The following SLC10A7 variants were observed in gnomAD, a reference collection of about 807,000 sequenced individuals.
SLC10A7 encodes the protein sodium/bile acid cotransporter 7.
A neutral mutation model predicts 43.2 loss-of-function variants in SLC10A7; 29 were observed. That is an observed-to-expected ratio of 0.67 (90% CI 0.50 to 0.92). SLC10A7 has a LOEUF of 0.92. Among genes scored for constraint, SLC10A7 ranks in the 40% least tolerant of loss-of-function variants. The probability of loss-of-function intolerance (pLI) is 0.00; values close to 1 mark genes in which losing one functional copy is unlikely to be tolerated. For synonymous variants in SLC10A7, 152 were observed against 144.8 expected (o/e 1.05, Z -0.35); for missense variants, 295 against 403.2 (o/e 0.73, Z 2.30).
At chr4:146,449,418 C>G (rs1466174842) in intron 4 of SLC10A7, among the ~76,000 whole-genome samples, 1 of 152,134 alleles carries the variant, frequency 6.6e-6, no homozygotes, top group Non-Finnish European at 1.5e-5. Flanking sequence ...CAAGAAGAGA[C>G]TCCACCAACA....
intron 2 of SLC10A7, 111 bp downstream of exon 2, chr4:146,516,927 G>A: frequency 1.3e-6 from 1 of 760,280 alleles, no homozygotes. Context: ...CTGCTATAGT[G>A]AATCCTTCAG....
At chr4:146,256,861 CA>C in intron 11 of SLC10A7, 1 of 1,536,162 alleles carries the variant, frequency 6.5e-7, no homozygotes, top group Non-Finnish European at 8.7e-7. Context: ...TTTTAATGCC[CA>C]AATTTGATGG....
In SLC10A7 at chr4:146,254,527, A is replaced by G. The variant is rs1443114413; in HGVS notation, c.*1964T>C. The G allele has an allele frequency of 1.3e-5, 2 of 152,250 alleles. No homozygotes were observed. The highest frequency in any genetic ancestry group is 4.8e-5 in the African/African-American group (2 of 41,468). The allele number at this position is 152,250 out of a possible 1,614,324, so 9.4% of individuals were successfully genotyped here. A position where few individuals can be genotyped will look rare whatever the true frequency, so the allele number is the denominator to read the frequency against. On this transcript the variant is annotated 3_prime_UTR_variant, in exon 12 of 12. Transcript: ENST00000335472. ...TAACGCCACCAAAGTTCACTATGTA[A>G]AGATTATTTGAAAACAAAGCACATT...
chr4:146,469,557 A>T (rs1385301776), intron 4 of SLC10A7, among the ~76,000 whole-genome samples: 1 of 152,200 alleles, frequency 6.6e-6, no homozygotes, highest in African/African-American at 2.4e-5. Context: ...TAATTTTCTT[A>T]TTGTAAGATA....
chr4:146,284,612 C>G (rs529810369), intron 9 of SLC10A7, among the ~76,000 whole-genome samples: 1 of 152,288 alleles, frequency 6.6e-6, no homozygotes, highest in African/African-American at 2.4e-5. Flanking sequence ...AACTTTCAAA[C>G]TGAATTTTTG....
chr4:146,343,343 A>G (rs1734398589), intron 5 of SLC10A7, among the ~76,000 whole-genome samples: 1 of 152,064 alleles, frequency 6.6e-6, no homozygotes, highest in Non-Finnish European at 1.5e-5. Flanking sequence ...AGGGCAACTT[A>G]GGAAACCCAG....
At chr4:146,399,092 G>A (rs1234201721) in intron 5 of SLC10A7, among the ~76,000 whole-genome samples, 1 of 152,230 alleles carries the variant, frequency 6.6e-6, no homozygotes, top group Admixed American at 6.5e-5. Flanking sequence ...CCACTGTAGA[G>A]CTGTCATTTG....
chr4:146,472,481 T>G (rs1220247868), intron 4 of SLC10A7, among the ~76,000 whole-genome samples: 1 of 149,208 alleles, frequency 6.7e-6, no homozygotes, highest in Non-Finnish European at 1.5e-5. Flanking sequence ...GCCCTTTCAA[T>G]CATGAAGCAT....
At chr4:146,510,262 AT>A (rs903791888) in intron 2 of SLC10A7, among the ~76,000 whole-genome samples, 115 of 124,430 alleles carry the variant, frequency 9.2e-4, no homozygotes, top group African/African-American at 2.4e-3. Context: ...AATTTCTTAA[AT>A]TTTTTTTTTT....
chr4:146,443,268 G>T (rs1216613416), intron 4 of SLC10A7, among the ~76,000 whole-genome samples: 1 of 152,026 alleles, frequency 6.6e-6, no homozygotes, highest in Non-Finnish European at 1.5e-5. Context: ...ACAATCACAA[G>T]GTAAGATCTG....
chr4:146,306,063 T>C (rs1342825958), intron 6 of SLC10A7, 54 bp from the exon 7 acceptor site: 1 of 1,407,084 alleles, frequency 7.1e-7, no homozygotes, highest in Non-Finnish European at 9.6e-7. Context: ...TATCAAGCAT[T>C]AGTGTTTATA....
At chr4:146,494,453 T>C (rs1223151904) in intron 4 of SLC10A7, among the ~76,000 whole-genome samples, 1 of 152,174 alleles carries the variant, frequency 6.6e-6, no homozygotes, top group African/African-American at 2.4e-5. Context: ...GGGGGTCATA[T>C]GGCTTTAGCT....
chr4:146,286,693 GAGGACTGTGTCTGGAGTGGTGAGA>G (rs1729994753), intron 9 of SLC10A7, among the ~76,000 whole-genome samples: 1 of 44,644 alleles, frequency 2.2e-5, no homozygotes, highest in Non-Finnish European at 3.9e-5. Flanking sequence ...GAGTGGTGAG[GAGGACTGTGTCTGGAGTGGTGAGA>G]AGGACTGAGT....
intron 4 of SLC10A7, among the ~76,000 whole-genome samples, chr4:146,445,720 G>A (rs1044949431): frequency 6.6e-6 from 1 of 152,128 alleles, no homozygotes; most frequent in Non-Finnish European, 1.5e-5. Context: ...TTGTTGAGCG[G>A]TGGAAGTGGC....
At chr4:146,513,196 A>G (rs1185703059) in intron 2 of SLC10A7, among the ~76,000 whole-genome samples, 1 of 152,104 alleles carries the variant, frequency 6.6e-6, no homozygotes, top group Non-Finnish European at 1.5e-5. Flanking sequence ...AACTATGTAA[A>G]TAAATCATAT....
At chr4:146,295,533 A>G (rs1730723744) in intron 7 of SLC10A7, among the ~76,000 whole-genome samples, 1 of 152,130 alleles carries the variant, frequency 6.6e-6, no homozygotes, top group African/African-American at 2.4e-5. Flanking sequence ...AGAAAAATAA[A>G]AGCAGTTCTG....
intron 5 of SLC10A7, among the ~76,000 whole-genome samples, chr4:146,392,327 T>C (rs1007227755): frequency 6.6e-5 from 10 of 152,204 alleles, no homozygotes; most frequent in Middle Eastern, 3.2e-3. Flanking sequence ...ATCTCCCTTA[T>C]CTCTTAAACC....
At chr4:146,288,701 T>C (rs1025513954) in intron 9 of SLC10A7, among the ~76,000 whole-genome samples, 2 of 152,198 alleles carry the variant, frequency 1.3e-5, no homozygotes, top group Non-Finnish European at 2.9e-5. Context: ...CTAAAATTAT[T>C]CTCACTGATT....
At chr4:146,509,514 G>A (rs979251401) in intron 3 of SLC10A7, among the ~76,000 whole-genome samples, 2 of 152,140 alleles carry the variant, frequency 1.3e-5, no homozygotes, top group East Asian at 1.9e-4. Flanking sequence ...AAAAGGTAAC[G>A]TTTGTCCCAC....
Sources: gnomAD v4.1 joint callset for allele counts (sites outside exome capture counted in the v4.1 genomes callset) on GRCh38, gnomAD v4.1.1 for gene constraint, MANE v1.5 for transcripts, NCBI Gene and HGNC (gene_info 2026-07-23, HGNC 2026-07-21) for gene names.